Variants in LYPLAL1 observed in about 807,000 individuals in gnomAD.
LYPLAL1 encodes the protein lysophospholipase-like protein 1.
In LYPLAL1, 23 loss-of-function variants were observed where a neutral mutation model predicts 19.7. The ratio of observed to expected loss-of-function variants is 1.17; its 90% CI spans 0.84 to 1.65. The LOEUF (loss-of-function observed/expected upper bound fraction) is 1.65. LYPLAL1 is among the 40% of genes most tolerant of loss of function. The pLI, the probability that LYPLAL1 is intolerant of heterozygous loss-of-function variation, is 0.00. For synonymous variants in LYPLAL1, 119 were observed against 96.3 expected (o/e 1.24, Z -1.38); for missense variants, 355 against 279.4 (o/e 1.27, Z -1.93).
the LYPLAL1 span, among the ~76,000 whole-genome samples, chr1:219,298,938 C>T: frequency 1.3e-5 from 2 of 152,192 alleles, no homozygotes. Flanking sequence ...ATTCTTGAGG[C>T]ATGACCTCCA....
chr1:219,231,976 A>G, the LYPLAL1 span, among the ~76,000 whole-genome samples: 1 of 152,212 alleles, frequency 6.6e-6, no homozygotes, highest in East Asian at 1.9e-4. Flanking sequence ...TATGTTCTCC[A>G]TGACACATGT....
chr1:219,337,434 C>A, the LYPLAL1 span, among the ~76,000 whole-genome samples: 2 of 151,818 alleles, frequency 1.3e-5, no homozygotes, highest in Non-Finnish European at 2.9e-5. Flanking sequence ...ATAGTGTAAC[C>A]CATAAAACAA....
the LYPLAL1 span, among the ~76,000 whole-genome samples, chr1:219,259,488 G>A: frequency 6.6e-6 from 1 of 150,726 alleles, no homozygotes; most frequent in Non-Finnish European, 1.5e-5. Flanking sequence ...ATGGCATTTA[G>A]GCAAACTGGA....
At chr1:219,254,594 T>G in the LYPLAL1 span, among the ~76,000 whole-genome samples, 9 of 152,070 alleles carry the variant, frequency 5.9e-5, no homozygotes, top group Admixed American at 1.3e-4. Context: ...TTAAGAGTTT[T>G]GAACATAGGC....
the LYPLAL1 span, among the ~76,000 whole-genome samples, chr1:219,436,121 G>C: frequency 6.6e-6 from 1 of 152,140 alleles, no homozygotes; most frequent in African/African-American, 2.4e-5. Context: ...CATAGTCACT[G>C]GTGTGCTTTG....
At chr1:219,247,185 T>C in the LYPLAL1 span, among the ~76,000 whole-genome samples, 2 of 152,218 alleles carry the variant, frequency 1.3e-5, no homozygotes, top group Non-Finnish European at 2.9e-5. Context: ...AATCAAATTT[T>C]CATGATAATG....
the LYPLAL1 span, among the ~76,000 whole-genome samples, chr1:219,390,101 A>T: frequency 6.6e-6 from 1 of 151,952 alleles, no homozygotes; most frequent in South Asian, 2.1e-4. Context: ...TCTAGGCTTC[A>T]TTTTGTCTCC....
intron 3 of LYPLAL1, among the ~76,000 whole-genome samples, chr1:219,204,406 C>T (rs568969075): frequency 6.6e-6 from 1 of 152,264 alleles, no homozygotes; most frequent in East Asian, 1.9e-4. Flanking sequence ...ATTGTCAGTA[C>T]ATTCTCCATC....
chr1:219,437,047 C>G, the LYPLAL1 span: 8 of 152,190 alleles, frequency 5.3e-5, no homozygotes, highest in Admixed American at 1.3e-4. Context: ...TATGAACCAC[C>G]TCTCTTACCT....
At chr1:219,191,944 T>C (rs781400890) in intron 2 of LYPLAL1, among the ~76,000 whole-genome samples, 1 of 151,666 alleles carries the variant, frequency 6.6e-6, no homozygotes, top group East Asian at 1.9e-4. Context: ...AGTTCAACTT[T>C]CTTGTTTCCA....
At chr1:219,393,195 G>T in the LYPLAL1 span, among the ~76,000 whole-genome samples, 39,315 of 152,078 alleles carry the variant, frequency 0.26, 5,983 homozygotes, top group Admixed American at 0.35. Context: ...TCTGGAGTCT[G>T]AACAGATGGC....
At chr1:219,176,372 A>G (rs949226204) in intron 1 of LYPLAL1, among the ~76,000 whole-genome samples, 2 of 152,204 alleles carry the variant, frequency 1.3e-5, no homozygotes, top group African/African-American at 4.8e-5. Flanking sequence ...CACAAAGCCC[A>G]AACCATGTGT....
the LYPLAL1 span, among the ~76,000 whole-genome samples, chr1:219,277,481 C>A: frequency 1.3e-5 from 2 of 151,998 alleles, no homozygotes; most frequent in African/African-American, 4.8e-5. Flanking sequence ...TAAACATGGG[C>A]CTTGTTCCAT....
At chr1:219,424,656 C>T in the LYPLAL1 span, among the ~76,000 whole-genome samples, 5 of 152,278 alleles carry the variant, frequency 3.3e-5, no homozygotes, top group Non-Finnish European at 7.4e-5. Context: ...CCATTCATTG[C>T]AGCAGAGGCC....
the LYPLAL1 span, among the ~76,000 whole-genome samples, chr1:219,393,659 G>A: frequency 6.6e-6 from 1 of 152,012 alleles, no homozygotes; most frequent in African/African-American, 2.4e-5. Flanking sequence ...AGTAAACTGG[G>A]TAAATGGAAA....
downstream of LYPLAL1, among the ~76,000 whole-genome samples, chr1:219,217,761 G>C (rs1305061031): frequency 6.6e-6 from 1 of 152,040 alleles, no homozygotes; most frequent in Non-Finnish European, 1.5e-5. Flanking sequence ...TTCTCTTCAT[G>C]CCCCCTACCC....
the LYPLAL1 span, among the ~76,000 whole-genome samples, chr1:219,223,400 C>T: frequency 6.6e-6 from 1 of 152,104 alleles, no homozygotes; most frequent in Admixed American, 6.5e-5. Flanking sequence ...TCCTGCAAAA[C>T]CTTTATTCTT....
At chr1:219,289,459 A>G in the LYPLAL1 span, among the ~76,000 whole-genome samples, 1 of 152,216 alleles carries the variant, frequency 6.6e-6, no homozygotes, top group Non-Finnish European at 1.5e-5. Context: ...CGAATTCACA[A>G]TCCTTGTGCC....
the LYPLAL1 span, among the ~76,000 whole-genome samples, chr1:219,427,718 C>T: frequency 6.6e-6 from 1 of 152,166 alleles, no homozygotes; most frequent in Non-Finnish European, 1.5e-5. Flanking sequence ...AACAGCATTA[C>T]AAGAGTCTCT....
Sources: allele counts gnomAD v4.1 joint callset (sites outside exome capture counted in the v4.1 genomes callset), GRCh38; gene constraint gnomAD v4.1.1; transcripts MANE v1.5; gene names NCBI Gene and HGNC (gene_info 2026-07-23, HGNC 2026-07-21).